GPM6A: variants seen among roughly 807,000 people sequenced by gnomAD.
GPM6A encodes the protein glycoprotein M6A.
A neutral mutation model predicts 32.1 loss-of-function variants in GPM6A; 7 were observed. That is an observed-to-expected ratio of 0.22 (90% confidence interval 0.12 to 0.41). The LOEUF (loss-of-function observed/expected upper bound fraction) is 0.41, where lower values mean the gene tolerates loss of function less well. Among genes scored for constraint, GPM6A ranks in the 10% least tolerant of loss-of-function variants. The pLI, the probability that GPM6A is intolerant of heterozygous loss-of-function variation, is 1.00. For synonymous variants in GPM6A, 130 were observed against 123.4 expected, an observed-to-expected ratio of 1.05 and a Z score of -0.35; for missense variants, 235 against 347.2, an observed-to-expected ratio of 0.68 and a Z score of 2.57.
rs188398662 is a variant in GPM6A, at chr4:175,884,068, C to G, written c.-22-71819G>C. ...AATAAGCTTTTCCTTTTCCTTGGAG[C>G]TTTAAATTCATGTGTAGAGCAGCGT... On this transcript the variant is annotated intron_variant, in intron 1 of 7. Transcript: ENST00000280187. Among the ~76,000 whole-genome samples the G allele has an allele frequency of 2.1e-4, 32 of 152,266 alleles. No homozygotes were observed. The East Asian group carries it at 5.8e-3, about 28-fold the overall frequency.
chr4:175,697,099 A>G (rs1165946747), intron 2 of GPM6A, among the ~76,000 whole-genome samples: 1 of 152,200 alleles, frequency 6.6e-6, no homozygotes, highest in African/African-American at 2.4e-5. Context: ...ACTCTAGAAG[A>G]CCACCCAAAT....
At chr4:175,656,665 A>C (rs904901504) in intron 3 of GPM6A, among the ~76,000 whole-genome samples, 2 of 152,152 alleles carry the variant, frequency 1.3e-5, no homozygotes, top group South Asian at 2.1e-4. Flanking sequence ...ACTTGAAAAT[A>C]ACTTGTAAAA....
intron 1 of GPM6A, among the ~76,000 whole-genome samples, chr4:175,744,264 G>GTCAAAAAGAAA (rs1360428630): frequency 6.6e-6 from 1 of 151,858 alleles, no homozygotes; most frequent in Non-Finnish European, 1.5e-5. Flanking sequence ...TCACTTATGG[G>GTCAAAAAGAAA]TCAAAAAGAA....
In GPM6A at chr4:175,763,545, A is replaced by T. The variant is rs1732839356; in HGVS notation, c.37+48646T>A. On this transcript the variant is annotated intron_variant, in intron 1 of 6. Transcript: ENST00000393658. ...TTATTTTCCCCTTATTGATAGGTCAAATTCTTTTATGTAATAGGTCCTCAT... is the reference window on the plus strand; with the variant it reads ...TTATTTTCCCCTTATTGATAGGTCATATTCTTTTATGTAATAGGTCCTCAT... Among the ~76,000 whole-genome samples the T allele has an allele frequency of 4.6e-5, 7 of 152,300 alleles. No individual in the cohort carries two copies. In the South Asian group the frequency reaches 1.2e-3, roughly 27 times the overall value.
At chr4:175,915,099 A>C (rs1738449314) in intron 1 of GPM6A, among the ~76,000 whole-genome samples, 1 of 152,220 alleles carries the variant, frequency 6.6e-6, no homozygotes, top group Non-Finnish European at 1.5e-5. Flanking sequence ...CCACAATAGT[A>C]TTGAGTAAAG....
At chr4:175,759,481 G>T (rs1475058297) in intron 1 of GPM6A, among the ~76,000 whole-genome samples, 2 of 152,088 alleles carry the variant, frequency 1.3e-5, no homozygotes, top group South Asian at 2.1e-4. Context: ...AATTTCAAGG[G>T]TCTTTTCCTT....
Position 175,793,403 on chromosome 4 carries a change from GT to G in GPM6A, c.37+18787del, listed in dbSNP as rs536042661. ...ATTTATTTATTTATTTAGAGATGGT[GT>G]TTCGCTCTGTCCCTCAGGCTGGAGT... On this transcript the variant is annotated intron_variant, in intron 1 of 6. Transcript: ENST00000393658. 1.4e-4 allele frequency among the ~76,000 whole-genome samples: 22 copies of G among 151,970 alleles called. No homozygotes were observed. In the East Asian group the frequency reaches 3.1e-3, roughly 21 times the overall value.
intron 1 of GPM6A, among the ~76,000 whole-genome samples, chr4:175,744,651 GC>G (rs1246527402): frequency 6.6e-6 from 1 of 152,092 alleles, no homozygotes; most frequent in Middle Eastern, 3.4e-3. Context: ...ACATGTAAAA[GC>G]CTTCAACAGT....
chr4:175,702,070 C>T (rs1744910843), intron 1 of GPM6A, among the ~76,000 whole-genome samples: 1 of 152,200 alleles, frequency 6.6e-6, no homozygotes, highest in South Asian at 2.1e-4. Context: ...TACATGCATG[C>T]ATATCATTCC....
chr4:175,665,328 A>G (rs1385436576), intron 3 of GPM6A, among the ~76,000 whole-genome samples: 1 of 152,088 alleles, frequency 6.6e-6, no homozygotes, highest in African/African-American at 2.4e-5. Context: ...GGGACTCCCG[A>G]GGGATAGGGA....
intron 1 of GPM6A, among the ~76,000 whole-genome samples, chr4:175,753,760 A>C (rs1319149890): frequency 6.6e-6 from 1 of 152,182 alleles, no homozygotes; most frequent in East Asian, 1.9e-4. Context: ...ATATTTTTCT[A>C]GAAATCCTAT....
chr4:175,796,385 A>G (rs1734228524), intron 1 of GPM6A, among the ~76,000 whole-genome samples: 1 of 152,192 alleles, frequency 6.6e-6, no homozygotes, highest in Non-Finnish European at 1.5e-5. Flanking sequence ...TAATTTACCA[A>G]TCAGTGCATT....
intron 1 of GPM6A, among the ~76,000 whole-genome samples, chr4:175,925,825 G>C (rs1738819190): frequency 6.6e-6 from 1 of 150,520 alleles, no homozygotes; most frequent in Admixed American, 6.6e-5. Context: ...TTTATACCCA[G>C]ATTCTCTTTT....
intron 3 of GPM6A, among the ~76,000 whole-genome samples, chr4:175,670,428 C>T (rs981790175): frequency 3.3e-5 from 5 of 151,910 alleles, no homozygotes; most frequent in African/African-American, 7.3e-5. Context: ...TAATTTGCAG[C>T]GGAATAAATA....
At chr4:175,877,667 C>T (rs1046095284) in intron 1 of GPM6A, among the ~76,000 whole-genome samples, 21 of 152,164 alleles carry the variant, frequency 1.4e-4, no homozygotes, top group Admixed American at 4.6e-4. Context: ...CCACCCTTGA[C>T]ACATGGAGAT....
chr4:175,686,581 G>A lies in GPM6A; in HGVS notation c.231-12745C>T, dbSNP rs114847042. Among the ~76,000 whole-genome samples the A allele has an allele frequency of 5.1e-3, 781 of 152,258 alleles. 8 individuals are homozygous for A. The highest frequency in any genetic ancestry group is 0.018 in the African/African-American group (744 of 41,556). ...TGTGGCCTCAAGCCAAGGAAGGCCC[G>A]CAACCACCAGAGTCAGGAACAAGCA... On this transcript the variant is annotated intron_variant, in intron 2 of 6. Transcript: ENST00000393658.
chr4:175,851,241 C>G (rs952608151), intron 1 of GPM6A, among the ~76,000 whole-genome samples: 1 of 152,064 alleles, frequency 6.6e-6, no homozygotes, highest in African/African-American at 2.4e-5. Flanking sequence ...CCTGTAATCC[C>G]TTTGAGAGGC....
chr4:175,812,296 TGG>T (rs375299132), upstream of GPM6A: 31 of 517,506 alleles, frequency 6.0e-5, 8 homozygotes, highest in South Asian at 4.4e-4. Context: ...TTGGAAAAAC[TGG>T]GGGTTTTTTT....
At chr4:175,812,628 A>G (rs1279443511), upstream of GPM6A, 2 of 992,840 alleles carry the variant, frequency 2.0e-6, no homozygotes, top group Admixed American at 6.1e-5. Context: ...GGGAAAAGAA[A>G]TTGAGGTTTG....
Sources: allele counts gnomAD v4.1 joint callset (sites outside exome capture counted in the v4.1 genomes callset), GRCh38; gene constraint gnomAD v4.1.1; transcripts MANE v1.5; gene names NCBI Gene and HGNC (gene_info 2026-07-23, HGNC 2026-07-21).